Variants in COL25A1 observed in about 807,000 individuals in gnomAD.
The protein encoded by COL25A1 is collagen alpha-1(XXV) chain.
In COL25A1, 103 loss-of-function variants were observed where a neutral mutation model predicts 128.4. The ratio of observed to expected loss-of-function variants is 0.80; its 90% CI spans 0.68 to 0.94. The LOEUF is 0.94. Among genes scored for constraint, COL25A1 ranks in the 40% least tolerant of loss-of-function variants. The probability of loss-of-function intolerance (pLI) is 0.00; values close to 1 mark genes in which losing one functional copy is unlikely to be tolerated. For synonymous variants in COL25A1, 279 were observed against 277.2 expected (o/e 1.01, Z -0.06); for missense variants, 745 against 840.0 (o/e 0.89, Z 1.40).
In COL25A1 at chr4:108,934,447, C is replaced by T. The variant is rs1020769610; in HGVS notation, c.708+3361G>A. Among the ~76,000 whole-genome samples, 7 of 151,914 alleles carry T rather than the reference C, an allele frequency of 4.6e-5. No individual in the cohort carries two copies. The South Asian group carries it at 6.3e-4, about 14-fold the overall frequency. On this transcript the variant is annotated intron_variant, in intron 11 of 37. Coordinates refer to ENST00000399132, the MANE Select transcript of COL25A1 (RefSeq NM_198721.4). ...CATGTATACCTATGTATCAAATCTG[C>T]ACATTGTGCACATGTACCCTAGAAT... is the stretch of plus-strand genomic sequence containing the variant.
chr4:109,251,701 G>A (rs1371949760), intron 3 of COL25A1, among the ~76,000 whole-genome samples: 10 of 152,168 alleles, frequency 6.6e-5, no homozygotes, highest in Admixed American at 2.6e-4. Flanking sequence ...GAGACCTCTA[G>A]ACCAGCAGAG....
At chr4:109,241,478 G>T (rs17226518) in intron 3 of COL25A1, among the ~76,000 whole-genome samples, 143,691 of 152,056 alleles carry the variant, frequency 0.94, 67,982 homozygotes, top group East Asian at 1. Flanking sequence ...AAAATTCTAC[G>T]AAGTCATATA....
intron 19 of COL25A1, among the ~76,000 whole-genome samples, chr4:108,878,607 T>C (rs1391721849): frequency 1.3e-5 from 2 of 152,126 alleles, no homozygotes; most frequent in Non-Finnish European, 2.9e-5. Context: ...GAAAGTAGAG[T>C]CTGCCCCCAA....
intron 31 of COL25A1, among the ~76,000 whole-genome samples, chr4:108,837,900 T>G (rs1056369686): frequency 6.6e-6 from 1 of 152,218 alleles, no homozygotes; most frequent in African/African-American, 2.4e-5. Flanking sequence ...TTTATAGCAT[T>G]GTTTGTTGTG....
At chr4:108,865,277 T>C (rs1578587256) in intron 20 of COL25A1, among the ~76,000 whole-genome samples, 2 of 152,162 alleles carry the variant, frequency 1.3e-5, no homozygotes, top group South Asian at 2.1e-4. Flanking sequence ...TAGAATTAGA[T>C]CTATGGTGGG....
intron 6 of COL25A1, among the ~76,000 whole-genome samples, chr4:109,006,850 C>G (rs1756059905): frequency 6.6e-6 from 1 of 152,124 alleles, no homozygotes; most frequent in African/African-American, 2.4e-5. Flanking sequence ...TAAGTGGCAA[C>G]TGACTGATGA....
rs964757183 is a variant in COL25A1 at position 108,881,247 on chromosome 4, A to G, written c.1020+2931T>C. Reference sequence around the variant, plus strand: ...GGGACCTTGAGGTGATAGATAGATGAGTCTGCTGTCTGTATTTAGGCACTT... The same window carrying G: ...GGGACCTTGAGGTGATAGATAGATGGGTCTGCTGTCTGTATTTAGGCACTT... On this transcript the variant is annotated intron_variant, in intron 19 of 37. Transcript: ENST00000399132. 6.6e-5 allele frequency among the ~76,000 whole-genome samples: 10 copies of G among 152,156 alleles called. 1 individual carries two copies. Among genetic ancestry groups the G allele is most frequent in the Non-Finnish European group, 1.3e-4 (9 of 68,040 alleles).
At chr4:109,056,914 T>G (rs1056956183) in intron 3 of COL25A1, among the ~76,000 whole-genome samples, 4 of 152,134 alleles carry the variant, frequency 2.6e-5, no homozygotes, top group African/African-American at 9.7e-5. Flanking sequence ...CTATTTAGAG[T>G]GCAGTGGTGA....
At chr4:109,117,124 A>G (rs1176233584) in intron 3 of COL25A1, among the ~76,000 whole-genome samples, 1 of 152,044 alleles carries the variant, frequency 6.6e-6, no homozygotes, top group Non-Finnish European at 1.5e-5. Context: ...ATTTTCCAAA[A>G]TAAATGTCAG....
At chr4:109,091,049 T>C (rs1323950558) in intron 3 of COL25A1, among the ~76,000 whole-genome samples, 1 of 152,074 alleles carries the variant, frequency 6.6e-6, no homozygotes, top group African/African-American at 2.4e-5. Flanking sequence ...TTTGGCAACA[T>C]CTCCTGGAAG....
At chr4:108,883,757 G>C (rs987684222) in intron 19 of COL25A1, among the ~76,000 whole-genome samples, 1 of 152,170 alleles carries the variant, frequency 6.6e-6, no homozygotes, top group Non-Finnish European at 1.5e-5. Context: ...ATGTTTTAGA[G>C]AGATTATTAT....
chr4:109,050,587 T>G (rs1401920535), intron 3 of COL25A1, among the ~76,000 whole-genome samples: 3 of 152,188 alleles, frequency 2.0e-5, no homozygotes, highest in African/African-American at 7.2e-5. Flanking sequence ...GATTTACAGT[T>G]TCTTTTCAGT....
chr4:109,025,386 G>A lies in COL25A1; in HGVS notation c.421-15011C>T, dbSNP rs570509589. On this transcript the variant is annotated intron_variant, in intron 5 of 37. Coordinates refer to ENST00000399132, the MANE Select transcript of COL25A1 (RefSeq NM_198721.4). The stretch of plus-strand genomic sequence containing the variant: ...TGCTATGTTTAATAACATTCTTAAT[G>A]TGTGCTATGTTGATTGTTCCAGATA... 2.6e-5 allele frequency among the ~76,000 whole-genome samples: 4 copies of A among 152,224 alleles called. No individual in the cohort carries two copies. In the South Asian group the frequency reaches 8.3e-4, roughly 32 times the overall value.
intron 18 of COL25A1, 115 bp downstream of exon 18, chr4:108,889,106 C>G: frequency 9.9e-7 from 1 of 1,010,838 alleles, no homozygotes; most frequent in South Asian, 1.5e-5. Context: ...CTCTGTAATG[C>G]AAAACATGAA....
At chr4:109,049,864 CT>C (rs1180272039) in intron 4 of COL25A1, among the ~76,000 whole-genome samples, 1 of 152,202 alleles carries the variant, frequency 6.6e-6, no homozygotes, top group East Asian at 1.9e-4. Context: ...ACAGACTTAA[CT>C]TGACCCAGTA....
chr4:108,910,350 C>A (rs1238308115), intron 13 of COL25A1, among the ~76,000 whole-genome samples: 3 of 152,218 alleles, frequency 2.0e-5, no homozygotes, highest in African/African-American at 7.2e-5. Flanking sequence ...ACTTGGACAC[C>A]TAAGAGGTTT....
chr4:108,995,232 A>C (rs1210188957), intron 6 of COL25A1, among the ~76,000 whole-genome samples: 4 of 152,228 alleles, frequency 2.6e-5, no homozygotes, highest in Non-Finnish European at 5.9e-5. Context: ...AAAAGGTTAG[A>C]TGAATGGCTA....
At chr4:109,254,994 G>A (rs973357531) in intron 3 of COL25A1, among the ~76,000 whole-genome samples, 2 of 152,176 alleles carry the variant, frequency 1.3e-5, no homozygotes, top group East Asian at 1.9e-4. Context: ...CAAGGCTAAC[G>A]AAATCTCACC....
chr4:109,054,552 A>C (rs1354510074), intron 3 of COL25A1, among the ~76,000 whole-genome samples: 1 of 152,218 alleles, frequency 6.6e-6, no homozygotes, highest in African/African-American at 2.4e-5. Context: ...AGAATTCTAA[A>C]ATAGTAAGAT....
Sources: gnomAD v4.1 joint callset for allele counts (sites outside exome capture counted in the v4.1 genomes callset) on GRCh38, gnomAD v4.1.1 for gene constraint, MANE v1.5 for transcripts, NCBI Gene and HGNC (gene_info 2026-07-23, HGNC 2026-07-21) for gene names.